LRRC7: variants seen among roughly 807,000 people sequenced by gnomAD.
The protein encoded by LRRC7 is leucine-rich repeat-containing protein 7.
A neutral mutation model predicts 175.7 loss-of-function variants in LRRC7; 23 were observed. That is an observed-to-expected ratio of 0.13 (90% CI 0.09 to 0.19). The LOEUF is 0.19. LRRC7 is among the 10% of genes least tolerant of loss of function. LRRC7 has a pLI of 1.00. For synonymous variants in LRRC7, 685 were observed against 680.9 expected, an observed-to-expected ratio of 1.01 and a Z score of -0.09; for missense variants, 1,354 against 1,904.7, an observed-to-expected ratio of 0.71 and a Z score of 5.38.
intron 7 of LRRC7, among the ~76,000 whole-genome samples, chr1:69,853,614 T>TA (rs1443407120): frequency 6.6e-6 from 1 of 152,110 alleles, no homozygotes; most frequent in Admixed American, 6.6e-5. Context: ...TCATTTCTGA[T>TA]AGAAAATGTT....
chr1:69,859,393 A>T (rs1684118376), intron 7 of LRRC7, among the ~76,000 whole-genome samples: 1 of 152,088 alleles, frequency 6.6e-6, no homozygotes, highest in Non-Finnish European at 1.5e-5. Flanking sequence ...GGCATCACAC[A>T]CCTATATAGA....
chr1:69,968,904 C>T (rs1293357656), intron 8 of LRRC7, among the ~76,000 whole-genome samples: 1 of 151,928 alleles, frequency 6.6e-6, no homozygotes, highest in Non-Finnish European at 1.5e-5. Context: ...CTGCAAGCCC[C>T]GCCTCCCAGG....
At chr1:69,688,067 C>G (rs758577001) in intron 2 of LRRC7, among the ~76,000 whole-genome samples, 1 of 152,132 alleles carries the variant, frequency 6.6e-6, no homozygotes, top group Non-Finnish European at 1.5e-5. Context: ...ATTCTGTTTT[C>G]CATTTTAGTT....
intron 1 of LRRC7, among the ~76,000 whole-genome samples, chr1:69,613,957 C>T (rs1649203531): frequency 6.6e-6 from 1 of 151,790 alleles, no homozygotes; most frequent in East Asian, 1.9e-4. Flanking sequence ...GCCTGGAAAA[C>T]AATAAGGAAT....
At chr1:69,665,411 CATTG>C (rs753942986) in intron 1 of LRRC7, among the ~76,000 whole-genome samples, 1 of 152,028 alleles carries the variant, frequency 6.6e-6, no homozygotes, top group Non-Finnish European at 1.5e-5. Flanking sequence ...GACATTTTTA[CATTG>C]ATTGATTCTT....
At chr1:69,951,177 T>C (rs922133645) in intron 8 of LRRC7, among the ~76,000 whole-genome samples, 1 of 148,316 alleles carries the variant, frequency 6.7e-6, no homozygotes. Flanking sequence ...AACAAACATA[T>C]GAAAAAAAAA....
rs1362804920 is a variant in LRRC7, at chr1:70,131,088, A to G, written c.*9201A>G. On this transcript the variant is annotated 3_prime_UTR_variant, in exon 27 of 27. Coordinates refer to ENST00000651989, the MANE Select transcript of LRRC7 (RefSeq NM_001370785.2). ...AGCCACTGTAAAAGCTATATAATTG[A>G]TATGATTAACTATTTAGATAGAGCA... Among the ~76,000 whole-genome samples the G allele has an allele frequency of 1.3e-5, 2 of 152,218 alleles. No homozygotes were observed. The highest frequency in any genetic ancestry group is 4.8e-5 in the African/African-American group (2 of 41,456).
intron 2 of LRRC7, among the ~76,000 whole-genome samples, chr1:69,724,137 C>T (rs1011766507): frequency 5.3e-5 from 8 of 152,112 alleles, no homozygotes; most frequent in Admixed American, 5.2e-4. Flanking sequence ...TTTTTCATTG[C>T]TTCTTTTTCC....
chr1:70,087,783 A>G (rs981004310), intron 24 of LRRC7, among the ~76,000 whole-genome samples: 1 of 152,174 alleles, frequency 6.6e-6, no homozygotes, highest in Non-Finnish European at 1.5e-5. Flanking sequence ...TAAAAATCAC[A>G]TTAGTGCATA....
At chr1:69,620,011 T>C (rs1326243223) in intron 1 of LRRC7, among the ~76,000 whole-genome samples, 1 of 152,200 alleles carries the variant, frequency 6.6e-6, no homozygotes, top group Non-Finnish European at 1.5e-5. Flanking sequence ...AACAATGAAC[T>C]TTTGTGTCAT....
At chr1:69,654,291 T>G (rs1209624294) in intron 1 of LRRC7, among the ~76,000 whole-genome samples, 1 of 152,072 alleles carries the variant, frequency 6.6e-6, no homozygotes, top group Non-Finnish European at 1.5e-5. Context: ...TTGGTTTAAT[T>G]ATGTTGTTAT....
rs1176517583 is a variant in LRRC7 at position 70,038,206 on chromosome 1, C to A, written c.2382C>A (p.Asp794Glu). Residue 794 changes from aspartate (D) to glutamate (E), a missense_variant, in exon 21 of 27, where the codon GAC (aspartate) becomes GAA (glutamate). This residue lies in a region of LRRC7 where 1,032 missense variants were observed against 1,227.2 expected (regional missense o/e 0.84). Coordinates refer to ENST00000651989, the MANE Select transcript of LRRC7 (RefSeq NM_001370785.2). ...CAGGCAATATACCACAGCGTCCTGACCGGCTGCCCATGAGTGATACTTTCA... is the reference window on the plus strand; with the variant it reads ...CAGGCAATATACCACAGCGTCCTGAACGGCTGCCCATGAGTGATACTTTCA... ...VPPGNIPQRP[D>E]RLPMSDTFTD... 3 of 1,614,148 alleles carry A rather than the reference C, an allele frequency of 1.9e-6. No homozygotes were observed. The highest frequency in any genetic ancestry group is 1.7e-6 in the Non-Finnish European group (2 of 1,180,020).
intron 7 of LRRC7, among the ~76,000 whole-genome samples, chr1:69,911,656 A>C (rs141438820): frequency 6.6e-6 from 1 of 152,300 alleles, no homozygotes; most frequent in African/African-American, 2.4e-5. Context: ...CTAGTTGCAA[A>C]AGAAATTTGG....
intron 3 of LRRC7, among the ~76,000 whole-genome samples, chr1:69,781,786 A>AAAGGAAGGAAGGAAGGAAGGAAGGAAGG (rs771907811): frequency 1.8e-4 from 5 of 28,252 alleles, no homozygotes; most frequent in African/African-American, 2.1e-4. Context: ...AGAAAGAAAG[A>AAAGGAAGGAAGGAAGGAAGGAAGGAAGG]AAGGAAGGAA....
rs115439625 is a variant in LRRC7, at chr1:70,064,859, C to A, written c.4231-11218C>A. Among the ~76,000 whole-genome samples, 1,294 of 151,952 alleles carry A rather than the reference C, an allele frequency of 8.5e-3. 12 individuals are homozygous for A. Among genetic ancestry groups the A allele is most frequent in the African/African-American group, 0.029 (1,220 of 41,470 alleles). ...AAGTTCTTTAGTGACCTTTGTGAAT[C>A]TCAGAACAAAAAGAATTAGGAGCAC... On this transcript the variant is annotated intron_variant, in intron 23 of 26. Transcript: ENST00000651989.
intron 26 of LRRC7, among the ~76,000 whole-genome samples, chr1:70,111,276 T>C (rs1019439815): frequency 3.3e-5 from 5 of 152,206 alleles, no homozygotes; most frequent in African/African-American, 1.2e-4. Context: ...AGCATGTTAT[T>C]TGAATTACAT....
At chr1:69,762,966 G>A (rs1464057390) in intron 3 of LRRC7, among the ~76,000 whole-genome samples, 3 of 151,814 alleles carry the variant, frequency 2.0e-5, no homozygotes, top group Non-Finnish European at 2.9e-5. Flanking sequence ...TCATAAAACA[G>A]CCATGTAAGC....
intron 7 of LRRC7, among the ~76,000 whole-genome samples, chr1:69,856,709 T>A (rs912505732): frequency 6.6e-6 from 1 of 152,146 alleles, no homozygotes; most frequent in South Asian, 2.1e-4. Flanking sequence ...TACCATTCCT[T>A]CTGAAACTAT....
intron 7 of LRRC7, among the ~76,000 whole-genome samples, chr1:69,914,027 G>C (rs1419274711): frequency 2.0e-5 from 3 of 152,152 alleles, no homozygotes; most frequent in Admixed American, 6.5e-5. Flanking sequence ...ACTAAGCAAA[G>C]TGAAAAAATT....
Sources: allele counts gnomAD v4.1 joint callset (sites outside exome capture counted in the v4.1 genomes callset), GRCh38; gene constraint gnomAD v4.1.1; regional missense constraint gnomAD v4.1.1; transcripts MANE v1.5; gene names NCBI Gene and HGNC (gene_info 2026-07-23, HGNC 2026-07-21).